PRKCB: variants seen among roughly 807,000 people sequenced by gnomAD.
PRKCB encodes protein kinase C beta type.
In PRKCB, 13 loss-of-function variants were observed where a neutral mutation model predicts 81.5. The observed-to-expected ratio is 0.16, with a 90% confidence interval of 0.10 to 0.25. The LOEUF is 0.25. Ranked by LOEUF, PRKCB falls within the 10% of genes least tolerant of loss-of-function variation. PRKCB has a pLI of 1.00. For missense variants in PRKCB, 509 were observed against 875.7 expected, an observed-to-expected ratio of 0.58 and a Z score of 5.29; for synonymous variants, 335 against 321.4, an observed-to-expected ratio of 1.04 and a Z score of -0.45.
At chr16:24,110,720 A>T (rs1446612033) in intron 7 of PRKCB, among the ~76,000 whole-genome samples, 1 of 151,022 alleles carries the variant, frequency 6.6e-6, no homozygotes, top group Non-Finnish European at 1.5e-5. Flanking sequence ...GGGTCTCGCT[A>T]TGTTGCCCAG....
At chr16:23,893,704 A>G (rs549841182) in intron 2 of PRKCB, 26 of 152,310 alleles carry the variant, frequency 1.7e-4, no homozygotes, top group African/African-American at 6.0e-4. Context: ...CCTCTTTTCC[A>G]CTGTGCTCTA....
At chr16:24,159,788 G>A (rs1221021741) in intron 10 of PRKCB, among the ~76,000 whole-genome samples, 2 of 152,000 alleles carry the variant, frequency 1.3e-5, no homozygotes, top group Admixed American at 1.3e-4. Flanking sequence ...GAATCCAGGA[G>A]GTCAAGACCA....
At chr16:24,163,330 A>C (rs8047202) in intron 10 of PRKCB, among the ~76,000 whole-genome samples, 144 of 152,262 alleles carry the variant, frequency 9.5e-4, no homozygotes, top group African/African-American at 3.2e-3. Context: ...CCAGGGGAGG[A>C]AACTGGTGAG....
At chr16:24,137,762 AT>A (rs1966869883) in intron 9 of PRKCB, among the ~76,000 whole-genome samples, 1 of 152,220 alleles carries the variant, frequency 6.6e-6, no homozygotes, top group African/African-American at 2.4e-5. Context: ...AATCTTTTCT[AT>A]AATACAACAA....
chr16:24,037,587 C>G (rs542945863), intron 5 of PRKCB, among the ~76,000 whole-genome samples: 1 of 152,216 alleles, frequency 6.6e-6, no homozygotes, highest in African/African-American at 2.4e-5. Context: ...CGTTTCGTTT[C>G]TCTATGCCCT....
rs749354695 is a variant in PRKCB, at chr16:24,154,746, C to T, written c.1128C>T (p.Asp376=). Reference sequence around the variant, plus strand: ...ATGCTGTGAAGATCCTGAAGAAGGACGTTGTGATCCAAGATGATGACGTGG... The same window carrying T: ...ATGCTGTGAAGATCCTGAAGAAGGATGTTGTGATCCAAGATGATGACGTGG... ...ELYAVKILKK[D]VVIQDDDVEC... Residue 376 remains aspartate (D), a synonymous_variant, in exon 10 of 17, where the codon GAC becomes GAT. Transcript: ENST00000643927. 26 of 1,614,046 alleles carry T rather than the reference C, an allele frequency of 1.6e-5. No individual in the cohort carries two copies. The highest frequency in any genetic ancestry group is 3.3e-5 in the Admixed American group (2 of 60,012).
intron 2 of PRKCB, among the ~76,000 whole-genome samples, chr16:23,857,823 C>T (rs1962597075): frequency 6.6e-6 from 1 of 152,076 alleles, no homozygotes; most frequent in Non-Finnish European, 1.5e-5. Flanking sequence ...TCCTGGATGT[C>T]TTCAAAGATT....
chr16:24,146,890 C>CT (rs1966998319), intron 9 of PRKCB, among the ~76,000 whole-genome samples: 2 of 152,114 alleles, frequency 1.3e-5, no homozygotes, highest in African/African-American at 4.8e-5. Flanking sequence ...TTTCTGGAAG[C>CT]TCCAGAAACT....
At chr16:23,966,150 T>A (rs1166195756) in intron 2 of PRKCB, among the ~76,000 whole-genome samples, 1 of 152,188 alleles carries the variant, frequency 6.6e-6, no homozygotes, top group East Asian at 1.9e-4. Context: ...TCCAATTAAG[T>A]CAAAGATGCA....
chr16:24,104,444 G>A (rs998470339), intron 7 of PRKCB, among the ~76,000 whole-genome samples: 2 of 152,288 alleles, frequency 1.3e-5, no homozygotes, highest in Admixed American at 1.3e-4. Context: ...GCCTCATGGA[G>A]TTTTCTTTTT....
chr16:23,943,940 G>T (rs1055768452), intron 2 of PRKCB, among the ~76,000 whole-genome samples: 1 of 152,182 alleles, frequency 6.6e-6, no homozygotes, highest in Non-Finnish European at 1.5e-5. Context: ...TTTGCCTCGC[G>T]TGCTCCTGGC....
chr16:24,010,036 A>G (rs78562856), intron 3 of PRKCB, among the ~76,000 whole-genome samples: 1 of 152,128 alleles, frequency 6.6e-6, no homozygotes, highest in African/African-American at 2.4e-5. Flanking sequence ...TATAGAGTAG[A>G]CCATCTCTTG....
intron 3 of PRKCB, among the ~76,000 whole-genome samples, chr16:23,995,492 A>C (rs1964943656): frequency 6.6e-6 from 1 of 152,208 alleles, no homozygotes; most frequent in East Asian, 1.9e-4. Context: ...ACAGATAGCT[A>C]GTTTCCTATT....
chr16:24,053,560 G>C (rs367710622), intron 5 of PRKCB, among the ~76,000 whole-genome samples: 1 of 152,168 alleles, frequency 6.6e-6, no homozygotes, highest in East Asian at 1.9e-4. Flanking sequence ...AAGCTAAGGG[G>C]AAAAAGAAAA....
Position 24,219,952 on chromosome 16 carries a change from AT to A in PRKCB, c.*5139del. 6.2e-7 allele frequency: 1 copy of A among 1,613,796 alleles called. No homozygotes were observed. Among genetic ancestry groups the A allele is most frequent in the Non-Finnish European group, 8.5e-7 (1 of 1,179,892 alleles). On this transcript the variant is annotated 3_prime_UTR_variant, in exon 17 of 17. Transcript: ENST00000643927. ...CGCTGTGTTAATGTGTTTACTTTCC[AT>A]TTGGCAGAGAGACAAGAGAGACACC...
chr16:23,993,663 T>C (rs74015216), intron 3 of PRKCB, among the ~76,000 whole-genome samples: 3,961 of 152,296 alleles, frequency 0.026, 152 homozygotes, highest in African/African-American at 0.089. Flanking sequence ...AGCCACTTAA[T>C]TGGAAAACTT....
At chr16:24,035,296 C>G (rs967756072) in intron 4 of PRKCB, 123 bp from the exon 5 acceptor site, 1 of 1,300,528 alleles carries the variant, frequency 7.7e-7, no homozygotes. Flanking sequence ...CAGCCAGGCT[C>G]GTGTGTCTCA....
chr16:23,886,406 G>GTT lies in PRKCB; in HGVS notation c.205+49025_205+49026dup, dbSNP rs398029038. Among the ~76,000 whole-genome samples the GTT allele has an allele frequency of 6.0e-4, 42 of 70,222 alleles. 3 individuals carry two copies. The highest frequency in any genetic ancestry group is 2.6e-3 in the East Asian group (5 of 1,936). 46.1% of individuals were successfully genotyped at this position (70,222 alleles called of 152,430 possible). A position where few individuals can be genotyped will look rare whatever the true frequency, so the allele number is the denominator to read the frequency against. On this transcript the variant is annotated intron_variant, in intron 2 of 16. Coordinates refer to ENST00000643927, the MANE Select transcript of PRKCB (RefSeq NM_002738.7). ...AGGGTTGGACTATGGTGTGTTAGGT[G>GTT]TTTTTTTTTTTTTTTTTTTTTTTTT...
rs3785379 is a variant in PRKCB at position 24,215,613 on chromosome 16, G to A, written c.*797G>A. 1.4e-3 allele frequency: 1,395 copies of A among 984,290 alleles called. 30 individuals carry two copies. In the East Asian group the frequency reaches 0.062, roughly 44 times the overall value. The allele number at this position is 984,290 out of a possible 1,614,324, so 61.0% of individuals were successfully genotyped here. ...CATTTCAAACTTTATTTGCTTTGGG[G>A]TTTTGTTTCTGTTGTTGTTCAAATG... is the stretch of plus-strand genomic sequence containing the variant. On this transcript the variant is annotated 3_prime_UTR_variant, in exon 17 of 17. Transcript: ENST00000643927.
Sources: gnomAD v4.1 joint callset for allele counts (sites outside exome capture counted in the v4.1 genomes callset) on GRCh38, gnomAD v4.1.1 for gene constraint, MANE v1.5 for transcripts, NCBI Gene and HGNC (gene_info 2026-07-23, HGNC 2026-07-21) for gene names.